The following KCNH1 variants were observed in gnomAD, a reference collection of about 807,000 sequenced individuals.
The protein encoded by KCNH1 is potassium voltage-gated channel subfamily H member 1.
In KCNH1, 27 loss-of-function variants were observed where a neutral mutation model predicts 69.2. The observed-to-expected ratio is 0.39, with a 90% CI of 0.29 to 0.54. The LOEUF is 0.54. Ranked by LOEUF, KCNH1 falls within the 20% of genes least tolerant of loss-of-function variation. The pLI, the probability that KCNH1 is intolerant of heterozygous loss-of-function variation, is 0.68. For synonymous variants in KCNH1, 456 were observed against 487.7 expected (o/e 0.93, Z 0.86); for missense variants, 798 against 1,261.6 (o/e 0.63, Z 5.57).
chr1:210,790,076 C>T (rs1684183637), intron 9 of KCNH1, among the ~76,000 whole-genome samples: 1 of 152,202 alleles, frequency 6.6e-6, no homozygotes, highest in African/African-American at 2.4e-5. Context: ...CAGAAGCCAC[C>T]ACACCTGGCT....
Position 210,997,931 on chromosome 1 carries a change from G to A in KCNH1, c.1032+20852C>T, listed in dbSNP as rs1418677791. On this transcript the variant is annotated intron_variant, in intron 6 of 10. Transcript: ENST00000271751. ...CAAACTAAGCTTCATAAGTGAAGGA[G>A]AAATAAAATCCTTTACAGACAAGCA... 2.0e-5 allele frequency among the ~76,000 whole-genome samples: 3 copies of A among 152,118 alleles called. No individual in the cohort carries two copies. The East Asian group carries it at 5.8e-4, about 29-fold the overall frequency.
chr1:211,099,476 C>T (rs17267442), intron 3 of KCNH1, among the ~76,000 whole-genome samples: 32,462 of 152,068 alleles, frequency 0.21, 3,658 homozygotes, highest in Non-Finnish European at 0.23. Context: ...ATGTTTTACT[C>T]TATTGAACAG....
intron 4 of KCNH1, among the ~76,000 whole-genome samples, chr1:211,090,301 T>G (rs1429956339): frequency 1.3e-5 from 2 of 152,238 alleles, no homozygotes; most frequent in African/African-American, 2.4e-5. Flanking sequence ...ACTGTCTTCT[T>G]CTGCCTAACT....
intron 10 of KCNH1, among the ~76,000 whole-genome samples, chr1:210,772,317 C>A (rs1270354380): frequency 6.6e-6 from 1 of 152,016 alleles, no homozygotes. Flanking sequence ...AGAATCTTAG[C>A]AAATAAAACA....
intron 9 of KCNH1, among the ~76,000 whole-genome samples, chr1:210,784,947 C>T (rs1377124688): frequency 3.3e-5 from 5 of 152,130 alleles, no homozygotes; most frequent in South Asian, 2.1e-4. Flanking sequence ...TCTCTCTCCA[C>T]GCAGTTCAGC....
chr1:210,816,834 C>T (rs1339311839), intron 7 of KCNH1, among the ~76,000 whole-genome samples: 2 of 152,250 alleles, frequency 1.3e-5, no homozygotes, highest in Non-Finnish European at 2.9e-5. Context: ...TCACAAAACT[C>T]GACGTTTATT....
chr1:211,063,002 C>A (rs1055396902), intron 5 of KCNH1, among the ~76,000 whole-genome samples: 1 of 152,246 alleles, frequency 6.6e-6, no homozygotes, highest in East Asian at 1.9e-4. Flanking sequence ...GAGATATCTG[C>A]ACTTCCCATA....
intron 5 of KCNH1, among the ~76,000 whole-genome samples, chr1:211,062,629 T>C (rs1048388456): frequency 6.6e-6 from 1 of 152,094 alleles, no homozygotes; most frequent in African/African-American, 2.4e-5. Flanking sequence ...AAGCTAATAA[T>C]CTCATTTAAA....
intron 10 of KCNH1, 72 bp from the exon 11 acceptor site, chr1:210,684,210 T>TTCTGCCTATCTTGGCCC: frequency 1.4e-6 from 2 of 1,432,478 alleles, no homozygotes; most frequent in Non-Finnish European, 1.8e-6. Flanking sequence ...AGCTCAGCCC[T>TTCTGCCTATCTTGGCCC]TCTGCCTATC....
At chr1:210,967,681 T>C (rs1421632502) in intron 6 of KCNH1, among the ~76,000 whole-genome samples, 1 of 152,142 alleles carries the variant, frequency 6.6e-6, no homozygotes, top group African/African-American at 2.4e-5. Context: ...GTCCCAATTA[T>C]TAGGTTATAA....
In KCNH1 at chr1:210,837,440, G is replaced by A. The variant is rs114370913; in HGVS notation, c.1463-33274C>T. 3.0e-3 allele frequency among the ~76,000 whole-genome samples: 462 copies of A among 152,266 alleles called. 6 individuals carry two copies. Among genetic ancestry groups the A allele is most frequent in the African/African-American group, 0.011 (445 of 41,548 alleles). On this transcript the variant is annotated intron_variant, in intron 7 of 10. Transcript: ENST00000271751. The stretch of plus-strand genomic sequence containing the variant: ...TTTGTTATCACCAACGATTAGTGCA[G>A]TACCTGGCACATAATAGGGACTCAG...
At chr1:211,044,415 CTTAA>C (rs1211760686) in intron 5 of KCNH1, among the ~76,000 whole-genome samples, 1 of 152,096 alleles carries the variant, frequency 6.6e-6, no homozygotes, top group East Asian at 1.9e-4. Context: ...ATAGCTGGGA[CTTAA>C]TTAAACTAAA....
chr1:210,753,237 G>C (rs1045294109), intron 10 of KCNH1, among the ~76,000 whole-genome samples: 10 of 152,170 alleles, frequency 6.6e-5, no homozygotes, highest in African/African-American at 2.4e-4. Flanking sequence ...ACATGGGAGG[G>C]AGATATCACA....
intron 6 of KCNH1, among the ~76,000 whole-genome samples, chr1:210,948,565 C>T (rs925686010): frequency 1.7e-4 from 26 of 152,188 alleles, no homozygotes; most frequent in African/African-American, 6.0e-4. Context: ...CACAGTGGCT[C>T]ACACCTGTAA....
At chr1:210,862,911 C>T (rs1686011419) in intron 7 of KCNH1, among the ~76,000 whole-genome samples, 1 of 152,168 alleles carries the variant, frequency 6.6e-6, no homozygotes, top group Non-Finnish European at 1.5e-5. Flanking sequence ...CCCTTCTTCC[C>T]TACAGATTCC....
intron 5 of KCNH1, 143 bp from the exon 6 acceptor site, chr1:211,019,399 G>A (rs1558570214): frequency 3.3e-6 from 2 of 601,260 alleles, no homozygotes; most frequent in South Asian, 4.2e-5. Flanking sequence ...AGAAGTATGG[G>A]AGAATGAAAG....
intron 5 of KCNH1, among the ~76,000 whole-genome samples, chr1:211,025,972 G>A (rs1225401276): frequency 1.3e-5 from 2 of 152,070 alleles, no homozygotes; most frequent in African/African-American, 2.4e-5. Flanking sequence ...TAGAGTTCAG[G>A]GCCTTTGCAG....
At chr1:210,954,955 T>C (rs1688139564) in intron 6 of KCNH1, among the ~76,000 whole-genome samples, 1 of 152,206 alleles carries the variant, frequency 6.6e-6, no homozygotes, top group South Asian at 2.1e-4. Flanking sequence ...CTTTTGGTGT[T>C]TTACTCATGA....
intron 9 of KCNH1, among the ~76,000 whole-genome samples, chr1:210,782,843 C>A (rs542890544): frequency 5.9e-5 from 9 of 152,314 alleles, no homozygotes; most frequent in Admixed American, 3.3e-4. Flanking sequence ...AGAAAGTGAA[C>A]CCTCACAGGA....
Sources: gnomAD v4.1 joint callset for allele counts (sites outside exome capture counted in the v4.1 genomes callset) on GRCh38, gnomAD v4.1.1 for gene constraint, MANE v1.5 for transcripts, NCBI Gene and HGNC (gene_info 2026-07-23, HGNC 2026-07-21) for gene names.